Variants in HIRA observed in about 807,000 individuals in gnomAD.
The protein encoded by HIRA is histone cell cycle regulator.
HIRA carries 13 observed loss-of-function variants against 126.6 expected under a neutral mutation model. The observed-to-expected ratio is 0.10, with a 90% CI of 0.07 to 0.16. HIRA has a LOEUF of 0.16. Among genes scored for constraint, HIRA ranks in the 10% least tolerant of loss-of-function variants. The pLI is 1.00. For synonymous variants in HIRA, 511 were observed against 520.0 expected (o/e 0.98, Z 0.24); for missense variants, 834 against 1,314.4 (o/e 0.63, Z 5.65).
intron 24 of HIRA, among the ~76,000 whole-genome samples, chr22:19,348,042 G>T (rs1263538553): frequency 3.3e-5 from 5 of 152,222 alleles, no homozygotes; most frequent in Non-Finnish European, 7.3e-5. Context: ...GTATTCCAAA[G>T]GTACGCAACC....
chr22:19,421,130 T>C (rs2089442699), intron 1 of HIRA, among the ~76,000 whole-genome samples: 1 of 152,120 alleles, frequency 6.6e-6, no homozygotes, highest in Admixed American at 6.6e-5. Flanking sequence ...AAACCCCATC[T>C]CTACTAAAAA....
rs531126895 is a variant in HIRA, at chr22:19,423,240, C to G, written c.37+8200G>C. 4.6e-5 allele frequency among the ~76,000 whole-genome samples: 7 copies of G among 152,258 alleles called. No homozygotes were observed. The East Asian group carries it at 1.4e-3, about 29-fold the overall frequency. On this transcript the variant is annotated intron_variant, in intron 1 of 24. Coordinates refer to ENST00000263208, the MANE Select transcript of HIRA (RefSeq NM_003325.4). Reference sequence around the variant, plus strand: ...CCGCCTCTGCCTCAGCATTCCTCATCTCTAAGTCTGCTGTTTCTCCAATTC... The same window carrying G: ...CCGCCTCTGCCTCAGCATTCCTCATGTCTAAGTCTGCTGTTTCTCCAATTC...
At chr22:19,376,065 G>C (rs2089015850) in intron 14 of HIRA, among the ~76,000 whole-genome samples, 2 of 152,054 alleles carry the variant, frequency 1.3e-5, no homozygotes, top group African/African-American at 4.8e-5. Context: ...CCTAGAACAT[G>C]GTTCTTACAA....
intron 24 of HIRA, among the ~76,000 whole-genome samples, chr22:19,342,759 G>A (rs1809376894): frequency 1.3e-5 from 2 of 152,184 alleles, no homozygotes; most frequent in Non-Finnish European, 2.9e-5. Context: ...TATCTACCCA[G>A]AGGAAAAGAA....
intron 15 of HIRA, among the ~76,000 whole-genome samples, chr22:19,372,249 TCTGA>T (rs1200953985): frequency 6.6e-6 from 1 of 152,238 alleles, no homozygotes; most frequent in Admixed American, 6.5e-5. Flanking sequence ...ACACTTATTA[TCTGA>T]CTATCTGATC....
chr22:19,368,835 T>TG (rs1158420091), intron 15 of HIRA, among the ~76,000 whole-genome samples: 2 of 152,154 alleles, frequency 1.3e-5, no homozygotes, highest in Non-Finnish European at 2.9e-5. Context: ...GACATACACT[T>TG]GCTTGGCACT....
At chr22:19,388,429 C>A in intron 10 of HIRA, 55 bp downstream of exon 10, 1 of 1,413,790 alleles carries the variant, frequency 7.1e-7, no homozygotes, top group South Asian at 1.2e-5. Flanking sequence ...GCCTCATGTT[C>A]CAATGTGTGG....
chr22:19,375,611 G>A lies in HIRA; in HGVS notation c.1775+20C>T. 3 of 1,613,158 alleles carry A rather than the reference G, an allele frequency of 1.9e-6. No homozygotes were observed. The highest frequency in any genetic ancestry group is 2.5e-6 in the Non-Finnish European group (3 of 1,179,338). On this transcript the variant is annotated intron_variant, in intron 15 of 24. Transcript: ENST00000263208. ...CCTGCACCCTGCCTGGTCCTTCAGGGTCCTGCAGCTACCACCTACCTTTCC... is the reference window on the plus strand; with the variant it reads ...CCTGCACCCTGCCTGGTCCTTCAGGATCCTGCAGCTACCACCTACCTTTCC...
intron 21 of HIRA, among the ~76,000 whole-genome samples, chr22:19,354,409 T>G (rs2088790184): frequency 6.6e-6 from 1 of 152,258 alleles, no homozygotes. Flanking sequence ...TCCTGATGAC[T>G]GCAGGCCTCT....
At chr22:19,394,718 A>G (rs1229410610) in intron 7 of HIRA, among the ~76,000 whole-genome samples, 1 of 152,198 alleles carries the variant, frequency 6.6e-6, no homozygotes, top group Non-Finnish European at 1.5e-5. Flanking sequence ...GCAGCATCCT[A>G]CACTCCCCCA....
At chr22:19,410,931 C>G (rs975116042) in intron 1 of HIRA, among the ~76,000 whole-genome samples, 153 bp from the exon 2 acceptor site, 1 of 152,262 alleles carries the variant, frequency 6.6e-6, no homozygotes, top group African/African-American at 2.4e-5. Flanking sequence ...AGCATTCCAT[C>G]ACTGAGAATG....
intron 1 of HIRA, among the ~76,000 whole-genome samples, chr22:19,420,892 A>T (rs1247382670): frequency 6.6e-6 from 1 of 152,186 alleles, no homozygotes; most frequent in African/African-American, 2.4e-5. Flanking sequence ...AGTCCCTTCC[A>T]CCTACTTCCA....
chr22:19,341,395 G>GC (rs1367373104), intron 24 of HIRA, among the ~76,000 whole-genome samples: 1 of 148,514 alleles, frequency 6.7e-6, no homozygotes, highest in Admixed American at 6.8e-5. Context: ...TTTGCCATGA[G>GC]CCGAGATTGT....
At position 19,355,754 on chromosome 22, in the gene HIRA, G is replaced by C; in HGVS notation, c.2561+6C>G. 6.2e-7 allele frequency: 1 copy of C among 1,601,084 alleles called. No individual in the cohort carries two copies. ...AGGGAATAGGACTGGGGGTCAGCTT[G>C]CTTACCATGTGGAAAGTGACGGATT... On this transcript the variant is annotated splice_donor_region_variant and intron_variant, in intron 21 of 24. Coordinates refer to ENST00000263208, the MANE Select transcript of HIRA (RefSeq NM_003325.4).
chr22:19,418,924 A>G lies in HIRA; in HGVS notation c.38-8146T>C, dbSNP rs2089421558. 3.1e-5 allele frequency among the ~76,000 whole-genome samples: 3 copies of G among 96,398 alleles called. No individual in the cohort carries two copies. The South Asian group carries it at 1.2e-3, about 40-fold the overall frequency. The allele number at this position is 96,398 out of a possible 152,430, so 63.2% of individuals were successfully genotyped here. Reference sequence around the variant, plus strand: ...ATCTATAATCATCTCGATAAGAAATAAACACACACACACACACACACACAC... The same window carrying G: ...ATCTATAATCATCTCGATAAGAAATGAACACACACACACACACACACACAC... On this transcript the variant is annotated intron_variant, in intron 1 of 24. Coordinates refer to ENST00000263208, the MANE Select transcript of HIRA (RefSeq NM_003325.4).
intron 1 of HIRA, among the ~76,000 whole-genome samples, chr22:19,429,320 TAG>T (rs925319963): frequency 6.6e-6 from 1 of 152,014 alleles, no homozygotes; most frequent in African/African-American, 2.4e-5. Context: ...GTATTTTTAG[TAG>T]AGACGGGGTT....
chr22:19,420,512 CAAAA>C (rs1051894660), intron 1 of HIRA, among the ~76,000 whole-genome samples: 1 of 124,090 alleles, frequency 8.1e-6, no homozygotes, highest in African/African-American at 3.4e-5. Flanking sequence ...AACAAACAAA[CAAAA>C]CCCCAAAAAA....
At chr22:19,381,203 G>C (rs987958897) in intron 13 of HIRA, among the ~76,000 whole-genome samples, 2 of 152,108 alleles carry the variant, frequency 1.3e-5, no homozygotes, top group Non-Finnish European at 2.9e-5. Flanking sequence ...AGGGTAGTTG[G>C]TGCTACCTGA....
intron 12 of HIRA, among the ~76,000 whole-genome samples, chr22:19,385,171 C>T (rs1367319968): frequency 6.6e-6 from 1 of 152,172 alleles, no homozygotes; most frequent in African/African-American, 2.4e-5. Flanking sequence ...ACATGGCTTC[C>T]AGATGAAGAA....
Sources: gnomAD v4.1 joint callset for allele counts (sites outside exome capture counted in the v4.1 genomes callset) on GRCh38, gnomAD v4.1.1 for gene constraint, MANE v1.5 for transcripts, NCBI Gene and HGNC (gene_info 2026-07-23, HGNC 2026-07-21) for gene names.